Variants in ATP8A1 observed in about 807,000 individuals in gnomAD.
The protein encoded by ATP8A1 is phospholipid-transporting ATPase IA.
A neutral mutation model predicts 177.7 loss-of-function variants in ATP8A1; 90 were observed. That is an observed-to-expected ratio of 0.51 (90% CI 0.43 to 0.60). The LOEUF (loss-of-function observed/expected upper bound fraction) is 0.60. ATP8A1 is among the 20% of genes least tolerant of loss of function. ATP8A1 has a pLI of 0.00. For synonymous variants in ATP8A1, 493 were observed against 485.9 expected (o/e 1.01, Z -0.19); for missense variants, 1,072 against 1,392.8 (o/e 0.77, Z 3.67).
chr4:42,593,387 G>T (rs199912304), intron 6 of ATP8A1, among the ~76,000 whole-genome samples: 1 of 151,848 alleles, frequency 6.6e-6, no homozygotes, highest in East Asian at 1.9e-4. Context: ...ATAGGTACAT[G>T]GCACAAAATT....
intron 1 of ATP8A1, among the ~76,000 whole-genome samples, chr4:42,636,703 G>C (rs186744427): frequency 1.6e-4 from 25 of 152,190 alleles, no homozygotes; most frequent in Admixed American, 4.6e-4. Flanking sequence ...TTTCCAGCTC[G>C]GCATCTGCTT....
At chr4:42,455,233 C>T (rs573557313) in intron 29 of ATP8A1, 64 bp downstream of exon 29, 60 of 1,590,598 alleles carry the variant, frequency 3.8e-5, no homozygotes, top group African/African-American at 1.9e-4. Flanking sequence ...CCACATACCC[C>T]ATATAATGAG....
intron 22 of ATP8A1, among the ~76,000 whole-genome samples, chr4:42,516,212 T>C (rs1451395062): frequency 6.6e-6 from 1 of 152,220 alleles, no homozygotes; most frequent in East Asian, 1.9e-4. Flanking sequence ...TTCAATCTAG[T>C]GGATGACATA....
intron 24 of ATP8A1, 70 bp from the exon 25 acceptor site, chr4:42,485,738 A>G (rs543343556): frequency 3.1e-6 from 4 of 1,290,262 alleles, no homozygotes; most frequent in Admixed American, 4.8e-5. Context: ...TGCCTTAAGG[A>G]TATTTGGCAA....
At chr4:42,512,537 A>C in intron 22 of ATP8A1, among the ~76,000 whole-genome samples, 1 of 152,150 alleles carries the variant, frequency 6.6e-6, no homozygotes, top group East Asian at 1.9e-4. Context: ...TCCTGCATGA[A>C]ATTTATATTT....
At chr4:42,572,180 T>G (rs1560473072) in intron 14 of ATP8A1, among the ~76,000 whole-genome samples, 1 of 152,212 alleles carries the variant, frequency 6.6e-6, no homozygotes, top group Non-Finnish European at 1.5e-5. Flanking sequence ...CCTAGGGGCA[T>G]AAACACCTTG....
At chr4:42,494,339 A>G (rs1723054032) in intron 24 of ATP8A1, among the ~76,000 whole-genome samples, 2 of 151,952 alleles carry the variant, frequency 1.3e-5, no homozygotes, top group African/African-American at 4.8e-5. Flanking sequence ...TGGATATGAC[A>G]TGACAGGTGC....
At position 42,455,478 on chromosome 4, in the gene ATP8A1, TC is replaced by T. The variant is rs989962659; in HGVS notation, c.2694+46del. The T allele has an allele frequency of 8.1e-6, 13 of 1,613,350 alleles. No homozygotes were observed. In the African/African-American group the frequency reaches 1.7e-4, roughly 22 times the overall value. ...GCCAAATGCAGGGTGAACCTTTATC[TC>T]CCAAGTATTCAATGAAACAGGAATT... is the stretch of plus-strand genomic sequence containing the variant. On this transcript the variant is annotated intron_variant, in intron 28 of 36. Coordinates refer to ENST00000381668, the MANE Select transcript of ATP8A1 (RefSeq NM_006095.2).
At chr4:42,569,460 T>C (rs149857937) in intron 14 of ATP8A1, among the ~76,000 whole-genome samples, 1 of 152,328 alleles carries the variant, frequency 6.6e-6, no homozygotes, top group East Asian at 1.9e-4. Context: ...CATTTACTGA[T>C]TTTATTCACA....
Position 42,657,085 on chromosome 4 carries a change from CGCAGA to C in ATP8A1, c.-217_-213del. 1 of 417,880 alleles carries C rather than the reference CGCAGA, an allele frequency of 2.4e-6. No individual in the cohort carries two copies. The highest frequency in any genetic ancestry group is 4.0e-6 in the Non-Finnish European group (1 of 248,712). The allele number at this position is 417,880 out of a possible 1,614,324, so 25.9% of individuals were successfully genotyped here. A position where few individuals can be genotyped will look rare whatever the true frequency, so the allele number is the denominator to read the frequency against. ...CGGTGGCGGCGAAGGTGGCGGCGCC[CGCAGA>C]GCTGGGCGAGCTCTTGCTGCAGCCG... On this transcript the variant is annotated 5_prime_UTR_variant, in exon 1 of 37. Coordinates refer to ENST00000381668, the MANE Select transcript of ATP8A1 (RefSeq NM_006095.2).
intron 5 of ATP8A1, among the ~76,000 whole-genome samples, chr4:42,615,762 G>A (rs1736842032): frequency 6.6e-6 from 1 of 152,144 alleles, no homozygotes; most frequent in African/African-American, 2.4e-5. Context: ...CAAAACAACT[G>A]CAGACTTTAT....
intron 22 of ATP8A1, among the ~76,000 whole-genome samples, chr4:42,516,570 T>C (rs1396578375): frequency 6.6e-6 from 1 of 152,236 alleles, no homozygotes; most frequent in East Asian, 1.9e-4. Flanking sequence ...AAATTATTAG[T>C]AGGTAATCTA....
chr4:42,441,921 C>G (rs1716688630), intron 33 of ATP8A1, among the ~76,000 whole-genome samples: 1 of 152,150 alleles, frequency 6.6e-6, no homozygotes, highest in Non-Finnish European at 1.5e-5. Flanking sequence ...CTGAAGTGAA[C>G]AGAAATGTGA....
chr4:42,654,468 G>A (rs1486955214), intron 1 of ATP8A1, among the ~76,000 whole-genome samples: 1 of 152,076 alleles, frequency 6.6e-6, no homozygotes, highest in Admixed American at 6.6e-5. Flanking sequence ...TATAAAATTC[G>A]GGAGGGCAGG....
In ATP8A1 at chr4:42,625,359, G is replaced by A. The variant is rs190767235; in HGVS notation, c.264+255C>T. On this transcript the variant is annotated intron_variant, in intron 3 of 36. Transcript: ENST00000381668. ...ATGAAAATTAGCATTTTAAGAAAAC[G>A]TCCCATCCCCTTTACCACCCAAAAT... The A allele has an allele frequency of 1.3e-4, 36 of 284,810 alleles. No homozygotes were observed. The East Asian group carries it at 1.4e-3, about 11-fold the overall frequency. The allele number at this position is 284,810 out of a possible 1,614,324, so 17.6% of individuals were successfully genotyped here. A position where few individuals can be genotyped will look rare whatever the true frequency, so the allele number is the denominator to read the frequency against.
At chr4:42,540,323 T>C (rs1728255019) in intron 20 of ATP8A1, among the ~76,000 whole-genome samples, 1 of 152,146 alleles carries the variant, frequency 6.6e-6, no homozygotes, top group African/African-American at 2.4e-5. Flanking sequence ...TCTTACATAC[T>C]GTTGGTGGGA....
At chr4:42,633,851 C>T (rs571918951) in intron 1 of ATP8A1, among the ~76,000 whole-genome samples, 3 of 152,174 alleles carry the variant, frequency 2.0e-5, no homozygotes, top group East Asian at 3.9e-4. Context: ...CAAGGAGATG[C>T]TGAGTTGAGA....
chr4:42,503,202 A>G lies in ATP8A1; in HGVS notation c.2151+248T>C, dbSNP rs149038797. ...CCTCTTGACATAATGCTTTTGTAAA[A>G]CAACTTTTCTGTCTCACAATATTAC... On this transcript the variant is annotated intron_variant, in intron 24 of 36. Transcript: ENST00000381668. Among the ~76,000 whole-genome samples, 426 of 152,340 alleles carry G rather than the reference A, an allele frequency of 2.8e-3. 2 individuals carry two copies. The highest frequency in any genetic ancestry group is 9.7e-3 in the African/African-American group (404 of 41,572).
At chr4:42,538,083 G>A (rs1728024893) in intron 20 of ATP8A1, among the ~76,000 whole-genome samples, 1 of 152,142 alleles carries the variant, frequency 6.6e-6, no homozygotes, top group African/African-American at 2.4e-5. Context: ...TAGACCAATG[G>A]AAGAGAATGA....
Sources: gnomAD v4.1 joint callset for allele counts (sites outside exome capture counted in the v4.1 genomes callset) on GRCh38, gnomAD v4.1.1 for gene constraint, MANE v1.5 for transcripts, NCBI Gene and HGNC (gene_info 2026-07-23, HGNC 2026-07-21) for gene names.